COL12A1: variants seen among roughly 807,000 people sequenced by gnomAD.
COL12A1 encodes the protein collagen type XII alpha 1 chain, also known as collagen alpha-1(XII) chain.
A neutral mutation model predicts 349.7 loss-of-function variants in COL12A1; 114 were observed. That is an observed-to-expected ratio of 0.33 (90% CI 0.28 to 0.38). The LOEUF (loss-of-function observed/expected upper bound fraction) is 0.38, where lower values mean the gene tolerates loss of function less well. COL12A1 is among the 10% of genes least tolerant of loss of function. The pLI, the probability that COL12A1 is intolerant of heterozygous loss-of-function variation, is 1.00. For missense variants in COL12A1, 3,284 were observed against 3,756.9 expected (o/e 0.87, Z 3.29); for synonymous variants, 1,369 against 1,329.0 (o/e 1.03, Z -0.66).
chr6:75,090,065 G>T lies in COL12A1; in HGVS notation c.8941+45C>A, dbSNP rs774868993. On this transcript the variant is annotated intron_variant, in intron 63 of 65. Coordinates refer to ENST00000322507, the MANE Select transcript of COL12A1 (RefSeq NM_004370.6). This position sits in a 1 kb window ranked among gnomAD's most constrained non-coding sequence, Gnocchi z 4.1. ...TCAACCTGTCCCAACTCCTACATTT[G>T]CAAATTCCTTCCTTTATCCCAATAC... The T allele has an allele frequency of 6.2e-7, 1 of 1,600,346 alleles. No homozygotes were observed. The highest frequency in any genetic ancestry group is 2.2e-5 in the East Asian group (1 of 44,678).
intron 1 of COL12A1, 72 bp downstream of exon 1, chr6:75,205,705 G>A (rs1770746165): frequency 6.5e-6 from 1 of 153,136 alleles, no homozygotes; most frequent in African/African-American, 2.4e-5. Flanking sequence ...CAAGGTGCAA[G>A]CTAGACGCCG....
Position 75,109,059 on chromosome 6 carries a change from T to A in COL12A1, c.8059A>T (p.Ile2687Phe), listed in dbSNP as rs1391973492. ...AGNITTDGYE[I>F]LGKLLKGERK... ...TCCCCTTTAAGGAGTTTTCCAAGAA[T>A]TTCATAACCATCAGTTGTTATATTT... Residue 2687 changes from isoleucine to phenylalanine, a missense_variant, in exon 52 of 66, where the codon ATT becomes TTT. Ile to Phe is a conservative substitution (Grantham distance 21). Coordinates refer to ENST00000322507, the MANE Select transcript of COL12A1 (RefSeq NM_004370.6). The A allele has an allele frequency of 1.2e-6, 2 of 1,612,242 alleles. No individual in the cohort carries two copies. Among genetic ancestry groups the A allele is most frequent in the Admixed American group, 3.3e-5 (2 of 59,720 alleles).
chr6:75,191,478 G>C (rs1029602294), intron 5 of COL12A1, among the ~76,000 whole-genome samples: 18 of 151,906 alleles, frequency 1.2e-4, no homozygotes, highest in Non-Finnish European at 2.4e-4. Context: ...CCATTGAAAA[G>C]AATATCTAGT....
In COL12A1 at chr6:75,128,431, G is replaced by A. The variant is rs765739082; in HGVS notation, c.6211-6C>T. The stretch of plus-strand genomic sequence containing the variant: ...CTTCTGCCTGGGACTGTGGTCTATA[G>A]AGGAAGTTAAATTATAAATATATTA... On this transcript the variant is annotated splice_polypyrimidine_tract_variant and splice_region_variant and intron_variant, in intron 37 of 65. Coordinates refer to ENST00000322507, the MANE Select transcript of COL12A1 (RefSeq NM_004370.6). 1.3e-6 allele frequency: 2 copies of A among 1,555,484 alleles called. No individual in the cohort carries two copies. Among genetic ancestry groups the A allele is most frequent in the Admixed American group, 2.0e-5 (1 of 50,420 alleles).
intron 25 of COL12A1, among the ~76,000 whole-genome samples, chr6:75,144,097 C>T (rs761637348): frequency 1.3e-4 from 20 of 152,154 alleles, no homozygotes; most frequent in Non-Finnish European, 2.2e-4. Context: ...CACATTTCTG[C>T]GCCTCCATCT....
intron 54 of COL12A1, among the ~76,000 whole-genome samples, chr6:75,104,688 A>C (rs1025621691): frequency 5.9e-5 from 9 of 152,300 alleles, no homozygotes; most frequent in Middle Eastern, 3.4e-3. Context: ...CCAATGCATA[A>C]ATCTGGTCAT....
At chr6:75,127,867 C>T (rs1490395314) in intron 38 of COL12A1, among the ~76,000 whole-genome samples, 1 of 152,114 alleles carries the variant, frequency 6.6e-6, no homozygotes, top group Non-Finnish European at 1.5e-5. Context: ...AATTTGTAGA[C>T]AGAAAATGAT....
intron 65 of COL12A1, 77 bp from the exon 66 acceptor site, chr6:75,086,634 A>C: frequency 1.1e-6 from 1 of 941,848 alleles, no homozygotes; most frequent in Non-Finnish European, 1.6e-6. Context: ...CCATCTACGT[A>C]TGTAATGGTT....
chr6:75,085,000 T>C lies in COL12A1; in HGVS notation c.*1547A>G, dbSNP rs1180212960. ...AGCATTTCAAGGGCAAAGGCAAAAA[T>C]GTCTACAGACTGCGTGCTTGGAGCT... On this transcript the variant is annotated 3_prime_UTR_variant, in exon 66 of 66. Coordinates refer to ENST00000322507, the MANE Select transcript of COL12A1 (RefSeq NM_004370.6). The C allele has an allele frequency of 2.3e-5, 7 of 304,512 alleles. No individual in the cohort carries two copies. The highest frequency in any genetic ancestry group is 4.7e-5 in the Non-Finnish European group (7 of 149,496). The allele number at this position is 304,512 out of a possible 1,614,324, so 18.9% of individuals were successfully genotyped here. A position where few individuals can be genotyped will look rare whatever the true frequency, so the allele number is the denominator to read the frequency against.
chr6:75,157,956 T>G (rs1198860946), intron 14 of COL12A1, among the ~76,000 whole-genome samples: 3 of 152,114 alleles, frequency 2.0e-5, no homozygotes, highest in Non-Finnish European at 4.4e-5. Context: ...CTGAAACAGT[T>G]TAAAAGCAAA....
At position 75,146,236 on chromosome 6, in the gene COL12A1, G is replaced by A; in HGVS notation, c.4426C>T (p.Pro1476Ser). The A allele has an allele frequency of 6.3e-7, 1 of 1,597,984 alleles. No homozygotes were observed. The highest frequency in any genetic ancestry group is 1.1e-5 in the South Asian group (1 of 87,660). Residue 1476 changes from proline (P) to serine (S), a missense_variant, in exon 24 of 66, where the codon CCT (proline) becomes TCT (serine). Physicochemically the swap from Pro to Ser is moderately conservative, Grantham distance 74. This residue lies in a region of COL12A1 where 2,601 missense variants were observed against 2,824.8 expected (regional missense o/e 0.92). Transcript: ENST00000322507. ...TCATAAATATTCAGGCTGACTACAG[G>A]CACTGGCACTTCCAAAACAGAAAAG... Reference protein sequence around the residue: ...LKGTEKTLPVPVVSLNIYDVG... With the variant: ...LKGTEKTLPVSVVSLNIYDVG...
At chr6:75,105,815 C>A (rs1264186563) in intron 53 of COL12A1, among the ~76,000 whole-genome samples, 1 of 152,086 alleles carries the variant, frequency 6.6e-6, no homozygotes, top group Non-Finnish European at 1.5e-5. Context: ...TCTCCCAGTG[C>A]CTTTCACTGG....
In COL12A1 at chr6:75,098,681, G is replaced by A. The variant is rs116937887; in HGVS notation, c.8524-1375C>T. ...TTCAAAAAAAAACAGAGGTAAAGCT[G>A]TCTTAACTGCCCTCCACTCAAAAGA... On this transcript the variant is annotated intron_variant, in intron 58 of 65. Transcript: ENST00000322507. Among the ~76,000 whole-genome samples the A allele has an allele frequency of 8.5e-4, 130 of 152,132 alleles. 2 individuals carry two copies. The East Asian group carries it at 0.023, about 27-fold the overall frequency.
intron 51 of COL12A1, 140 bp from the exon 52 acceptor site, chr6:75,109,307 A>G: frequency 1.7e-6 from 1 of 591,266 alleles, no homozygotes; most frequent in Non-Finnish European, 2.8e-6. Flanking sequence ...AAAATCCAAG[A>G]GCAGTTGGCA....
intron 51 of COL12A1, chr6:75,112,936 A>T (rs1768906808): frequency 5.5e-6 from 1 of 183,362 alleles, no homozygotes; most frequent in African/African-American, 2.3e-5. Flanking sequence ...TAAGCAGAAA[A>T]GTAGGTGGAT....
intron 25 of COL12A1, among the ~76,000 whole-genome samples, chr6:75,143,717 CTCA>C (rs1258116594): frequency 6.6e-6 from 1 of 152,090 alleles, no homozygotes; most frequent in African/African-American, 2.4e-5. Context: ...AAATGTACAG[CTCA>C]TGTTTCTTTA....
rs183522038 is a variant in COL12A1 at position 75,138,255 on chromosome 6, A to T, written c.5251+65T>A. 5.4e-3 allele frequency: 7,873 copies of T among 1,463,462 alleles called. 33 individuals are homozygous for T. Among genetic ancestry groups the T allele is most frequent in the Non-Finnish European group, 6.7e-3 (7,153 of 1,061,064 alleles). The allele number at this position is 1,463,462 out of a possible 1,614,324, so 90.7% of individuals were successfully genotyped here. On this transcript the variant is annotated intron_variant, in intron 30 of 65. Coordinates refer to ENST00000322507, the MANE Select transcript of COL12A1 (RefSeq NM_004370.6). ...ACCTATTTATTATGTATCTTATGGTACTTTTCATTTATACATTCATTCATT... is the reference window on the plus strand; with the variant it reads ...ACCTATTTATTATGTATCTTATGGTTCTTTTCATTTATACATTCATTCATT...
intron 12 of COL12A1, 125 bp downstream of exon 12, chr6:75,177,538 G>C: frequency 8.6e-7 from 1 of 1,168,430 alleles, no homozygotes; most frequent in Admixed American, 2.2e-5. Context: ...AAAGGACTAT[G>C]GTCTAACATA....
At chr6:75,185,926 G>C (rs571792243) in intron 8 of COL12A1, among the ~76,000 whole-genome samples, 4 of 152,278 alleles carry the variant, frequency 2.6e-5, no homozygotes, top group South Asian at 2.1e-4. Context: ...GCAAAAGACT[G>C]AATCTGGACT....
Sources: allele counts gnomAD v4.1 joint callset (sites outside exome capture counted in the v4.1 genomes callset), GRCh38; gene constraint gnomAD v4.1.1; regional missense constraint gnomAD v4.1.1; non-coding constraint Gnocchi (gnomAD v3.1); transcripts MANE v1.5; gene names NCBI Gene and HGNC (gene_info 2026-07-23, HGNC 2026-07-21).